The following PKD2L2 variants were observed in gnomAD, a reference collection of about 807,000 sequenced individuals.
PKD2L2 encodes the protein polycystin 2 like 2, transient receptor potential cation channel.
A neutral mutation model predicts 83.9 loss-of-function variants in PKD2L2; 67 were observed. The observed-to-expected ratio is 0.80, with a 90% CI of 0.66 to 0.98. PKD2L2 has a LOEUF of 0.98. Among genes scored for constraint, PKD2L2 ranks in the 50% least tolerant of loss-of-function variants. The pLI is 0.00. For missense variants in PKD2L2, 632 were observed against 717.2 expected, an observed-to-expected ratio of 0.88 and a Z score of 1.36; for synonymous variants, 223 against 237.8, an observed-to-expected ratio of 0.94 and a Z score of 0.57.
chr5:137,930,277 C>G (rs1157644317), intron 12 of PKD2L2, among the ~76,000 whole-genome samples: 4 of 152,034 alleles, frequency 2.6e-5, no homozygotes, highest in African/African-American at 9.7e-5. Flanking sequence ...GAAAAAAATT[C>G]TATGAAAACA....
In PKD2L2 at chr5:137,907,855, C is replaced by T; in HGVS notation, c.1089C>T (p.Cys363=). ...EKYSDFYFLA[C]WHIYYNNIIA... ...ATTCAGATTTCTATTTTCTTGCATG[C>T]TGGCACATTTATTACAATAATATAA... The change falls in exon 7 of 15, where the codon TGC becomes TGT. Residue 363 remains cysteine (C), a synonymous_variant. Transcript: ENST00000508883. 6.5e-7 allele frequency: 1 copy of T among 1,533,662 alleles called. No homozygotes were observed. The highest frequency in any genetic ancestry group is 9.0e-7 in the Non-Finnish European group (1 of 1,113,014).
chr5:137,942,656 C>A lies in PKD2L2; in HGVS notation c.*290C>A. 2.0e-6 allele frequency: 1 copy of A among 498,664 alleles called. No individual in the cohort carries two copies. Among genetic ancestry groups the A allele is most frequent in the Non-Finnish European group, 3.4e-6 (1 of 291,454 alleles). The allele number at this position is 498,664 out of a possible 1,614,324, so 30.9% of individuals were successfully genotyped here. A position where few individuals can be genotyped will look rare whatever the true frequency, so the allele number is the denominator to read the frequency against. On this transcript the variant is annotated 3_prime_UTR_variant, in exon 15 of 15. Coordinates refer to ENST00000508883, the MANE Select transcript of PKD2L2 (RefSeq NM_001300921.2). ...GGGATTATAGGCATGAGCCACTGTG[C>A]CTGGCTAGATTTTTTTTTAATTTTT...
rs71583287 is a variant in PKD2L2 at position 137,912,801 on chromosome 5, C to CTTTT, written c.1328+3858_1328+3859insTTTT. ...TTAAATTGGATTATTTGTTTTCTTTCTTTCTTTTTTTTTTTTTTTTGAGAT... is the reference window on the plus strand; with the variant it reads ...TTAAATTGGATTATTTGTTTTCTTTCTTTTTTTCTTTTTTTTTTTTTTTTGAGAT... On this transcript the variant is annotated intron_variant, in intron 8 of 14. Transcript: ENST00000508883. Among the ~76,000 whole-genome samples the CTTTT allele has an allele frequency of 2.3e-3, 232 of 99,738 alleles. 13 individuals are homozygous for CTTTT. Among genetic ancestry groups the CTTTT allele is most frequent in the Non-Finnish European group, 3.2e-3 (159 of 49,888 alleles). 65.4% of individuals were successfully genotyped at this position (99,738 alleles called of 152,430 possible).
Position 137,907,767 on chromosome 5 carries a change from A to G in PKD2L2, c.1001A>G (p.Asn334Ser). ...TTGTGTTTTGTGGCTGTTTCCTTCA[A>G]CACATACTATAATGTACAAATTTTT... Reference protein sequence around the residue: ...LLLCFVAVSFNTYYNVQIFLL... With the variant: ...LLLCFVAVSFSTYYNVQIFLL... Residue 334 changes from asparagine to serine, a missense_variant, in exon 7 of 15, where the codon AAC becomes AGC. By Grantham distance (46) the Asn-to-Ser change is conservative (BLOSUM62 1). Around this residue, in one of 3 missense-constraint regions of PKD2L2, gnomAD observed 399 missense variants for 416.9 expected, o/e 0.96. Transcript: ENST00000508883. 6.5e-7 allele frequency: 1 copy of G among 1,548,110 alleles called. No individual in the cohort carries two copies. The highest frequency in any genetic ancestry group is 1.9e-5 in the Admixed American group (1 of 52,932).
At chr5:137,917,027 G>C (rs1177643419) in intron 8 of PKD2L2, among the ~76,000 whole-genome samples, 3 of 152,038 alleles carry the variant, frequency 2.0e-5, no homozygotes, top group East Asian at 3.9e-4. Context: ...TCAAACTTGG[G>C]AAGTTTTTGG....
At chr5:137,911,842 G>A (rs926216395) in intron 8 of PKD2L2, among the ~76,000 whole-genome samples, 5 of 152,152 alleles carry the variant, frequency 3.3e-5, no homozygotes, top group Non-Finnish European at 4.4e-5. Context: ...AGCAATTACC[G>A]TTCTACCCTC....
intron 8 of PKD2L2, among the ~76,000 whole-genome samples, chr5:137,920,091 A>G (rs1758752515): frequency 6.6e-6 from 1 of 152,094 alleles, no homozygotes; most frequent in South Asian, 2.1e-4. Flanking sequence ...CCAGCTACTC[A>G]AGAGAGGCTG....
chr5:137,892,696 T>G (rs1315027876), intron 3 of PKD2L2, 83 bp downstream of exon 3: 39 of 1,037,200 alleles, frequency 3.8e-5, no homozygotes, highest in Non-Finnish European at 5.2e-5. Flanking sequence ...TCAATGAATA[T>G]CTTTTGAAGA....
chr5:137,907,795 CT>C lies in PKD2L2; in HGVS notation c.1031del (p.Leu344TyrfsTer6). 6.3e-7 allele frequency: 1 copy of C among 1,585,440 alleles called. No homozygotes were observed. Among genetic ancestry groups the C allele is most frequent in the Non-Finnish European group, 8.6e-7 (1 of 1,163,368 alleles). ...NTYYNVQIFL[L>X]LGQLLKSTEK... ...CATACTATAATGTACAAATTTTTCT[CT>C]TACTTGGACAGCTGTTGAAAAGTAC... On this transcript the variant is annotated frameshift_variant, in exon 7 of 15. Coordinates refer to ENST00000508883, the MANE Select transcript of PKD2L2 (RefSeq NM_001300921.2). LOFTEE classifies it high-confidence loss of function.
chr5:137,910,166 C>T (rs1224851538), intron 8 of PKD2L2, among the ~76,000 whole-genome samples: 2 of 151,354 alleles, frequency 1.3e-5, no homozygotes, highest in Non-Finnish European at 2.9e-5. Flanking sequence ...TTTGAGGTTA[C>T]AGTGAGCTAT....
intron 6 of PKD2L2, among the ~76,000 whole-genome samples, 159 bp downstream of exon 6, chr5:137,906,593 C>T (rs1321807289): frequency 1.3e-5 from 2 of 152,088 alleles, no homozygotes; most frequent in Non-Finnish European, 2.9e-5. Flanking sequence ...CTAATGGGTG[C>T]CTCCAAAAGG....
chr5:137,900,838 T>G (rs1756891869), intron 5 of PKD2L2, among the ~76,000 whole-genome samples: 1 of 152,096 alleles, frequency 6.6e-6, no homozygotes, highest in Non-Finnish European at 1.5e-5. Context: ...TCTAAAACGA[T>G]TTTTAAAAAG....
chr5:137,917,527 T>C (rs747108345), intron 8 of PKD2L2, among the ~76,000 whole-genome samples: 25 of 152,216 alleles, frequency 1.6e-4, no homozygotes, highest in Non-Finnish European at 3.4e-4. Flanking sequence ...TTCAAGTTCA[T>C]TGATTCTTTT....
chr5:137,890,724 C>T (rs1210283222), intron 2 of PKD2L2, 142 bp downstream of exon 2: 1 of 494,340 alleles, frequency 2.0e-6, no homozygotes, highest in Non-Finnish European at 3.6e-6. Context: ...TAAACATAAT[C>T]TTAAATTCAT....
At chr5:137,890,718 C>G (rs975686053) in intron 2 of PKD2L2, 136 bp downstream of exon 2, 8 of 499,590 alleles carry the variant, frequency 1.6e-5, no homozygotes, top group African/African-American at 4.1e-5. Flanking sequence ...CACGTTTAAA[C>G]ATAATCTTAA....
Position 137,907,775 on chromosome 5 carries a change from T to G in PKD2L2, c.1009T>G (p.Tyr337Asp). 1 of 1,577,200 alleles carries G rather than the reference T, an allele frequency of 6.3e-7. No homozygotes were observed. ...CFVAVSFNTYYNVQIFLLLGQ... is the reference protein window; with the variant it reads ...CFVAVSFNTYDNVQIFLLLGQ... Reference sequence around the variant, plus strand: ...TGTGGCTGTTTCCTTCAACACATACTATAATGTACAAATTTTTCTCTTACT... The same window carrying G: ...TGTGGCTGTTTCCTTCAACACATACGATAATGTACAAATTTTTCTCTTACT... Residue 337 changes from tyrosine to aspartate, a missense_variant, in exon 7 of 15, where the codon TAT (tyrosine) becomes GAT (aspartate). By Grantham distance (160) the Tyr-to-Asp change is radical (BLOSUM62 -3). Transcript: ENST00000508883.
At chr5:137,926,733 C>CAGCT (rs1237827381) in intron 12 of PKD2L2, among the ~76,000 whole-genome samples, 1 of 152,214 alleles carries the variant, frequency 6.6e-6, no homozygotes, top group Non-Finnish European at 1.5e-5. Flanking sequence ...CTGGAAAGTA[C>CAGCT]AGCTGCCTCT....
At position 137,925,912 on chromosome 5, in the gene PKD2L2, G is replaced by C. The variant is rs994355532; in HGVS notation, c.1654G>C (p.Glu552Gln). 12 of 1,594,400 alleles carry C rather than the reference G, an allele frequency of 7.5e-6. No homozygotes were observed. The highest frequency in any genetic ancestry group is 7.7e-6 in the Non-Finnish European group (9 of 1,164,748). ...SGDLAEQARR[E>Q]GFDENEIQNA... The stretch of plus-strand genomic sequence containing the variant: ...AGATTTGGCTGAACAAGCCAGAAGA[G>C]AAGGCTTTGACGAAAATGTAAGATT... The change falls in exon 12 of 15, where the codon GAA (glutamate) becomes CAA (glutamine). Residue 552 changes from glutamate (E) to glutamine (Q), a missense_variant. Glu to Gln is a conservative substitution (Grantham distance 29). Coordinates refer to ENST00000508883, the MANE Select transcript of PKD2L2 (RefSeq NM_001300921.2).
chr5:137,919,934 G>A (rs1278958783), intron 8 of PKD2L2, among the ~76,000 whole-genome samples: 1 of 151,962 alleles, frequency 6.6e-6, no homozygotes, highest in Non-Finnish European at 1.5e-5. Flanking sequence ...TTGTTTCCAC[G>A]CGCCTGTAAT....
Sources: gnomAD v4.1 joint callset for allele counts (sites outside exome capture counted in the v4.1 genomes callset) on GRCh38, gnomAD v4.1.1 for gene constraint, gnomAD v4.1.1 regional missense constraint, MANE v1.5 for transcripts, NCBI Gene and HGNC (gene_info 2026-07-23, HGNC 2026-07-21) for gene names.